The following ZNF326 variants were observed in gnomAD, a reference collection of about 807,000 sequenced individuals.
ZNF326 encodes zinc finger protein 326, also known as DBIRD complex subunit ZNF326.
In ZNF326, 30 loss-of-function variants were observed where a neutral mutation model predicts 63.1. The ratio of observed to expected loss-of-function variants is 0.48; its 90% CI spans 0.36 to 0.64. The LOEUF is 0.64. Among genes scored for constraint, ZNF326 ranks in the 30% least tolerant of loss-of-function variants. ZNF326 has a pLI of 0.00. For synonymous variants in ZNF326, 194 were observed against 228.2 expected (o/e 0.85, Z 1.35); for missense variants, 609 against 720.3 (o/e 0.85, Z 1.77).
chr1:90,008,919 C>T (rs1054744161), intron 5 of ZNF326, among the ~76,000 whole-genome samples: 2 of 152,086 alleles, frequency 1.3e-5, no homozygotes, highest in Non-Finnish European at 2.9e-5. Context: ...CATTCCTGAG[C>T]ATAGTATACA....
intron 1 of ZNF326, among the ~76,000 whole-genome samples, chr1:89,997,254 A>C (rs1334525754): frequency 6.6e-6 from 1 of 152,226 alleles, no homozygotes; most frequent in Non-Finnish European, 1.5e-5. Flanking sequence ...AGAATTTAAC[A>C]GTTGTTAAAT....
chr1:89,997,429 A>C (rs190690037), intron 1 of ZNF326, among the ~76,000 whole-genome samples: 1 of 151,832 alleles, frequency 6.6e-6, no homozygotes, highest in African/African-American at 2.4e-5. Flanking sequence ...GCTGGAGTGC[A>C]GTGGTGCAGT....
At position 89,995,154 on chromosome 1, in the gene ZNF326, C is replaced by T. The variant is rs1648274848; in HGVS notation, c.-104C>T. 4 of 1,399,296 alleles carry T rather than the reference C, an allele frequency of 2.9e-6. No individual in the cohort carries two copies. Among genetic ancestry groups the T allele is most frequent in the South Asian group, 1.3e-5 (1 of 78,572 alleles). 86.7% of individuals were successfully genotyped at this position (1,399,296 alleles called of 1,614,324 possible). ...GCTCCCGGGCTGGTAGCGCGCCGCT[C>T]TCGGTCGCGCGGAGTGATCGTGTGG... On this transcript the variant is annotated 5_prime_UTR_variant, in exon 1 of 12. Coordinates refer to ENST00000340281, the MANE Select transcript of ZNF326 (RefSeq NM_182976.4).
chr1:90,027,265 T>A lies in ZNF326; in HGVS notation c.1402-89T>A, dbSNP rs1237381988. On this transcript the variant is annotated intron_variant, in intron 11 of 11. Transcript: ENST00000340281. ...TGAAAAGTTTCAAAATGGCATTTAT[T>A]TCTCATGATATGGCAAGTAAAAATT... 8.8e-6 allele frequency: 11 copies of A among 1,245,708 alleles called. No homozygotes were observed. The East Asian group carries it at 2.6e-4, about 29-fold the overall frequency. 77.2% of individuals were successfully genotyped at this position (1,245,708 alleles called of 1,614,324 possible).
intron 4 of ZNF326, chr1:90,005,885 C>G: frequency 3.0e-6 from 3 of 985,278 alleles, no homozygotes; most frequent in Non-Finnish European, 3.6e-6. Flanking sequence ...TTTGACTAGT[C>G]GAGATTGTAT....
chr1:90,009,185 G>T (rs1466005832), intron 5 of ZNF326, among the ~76,000 whole-genome samples: 1 of 152,046 alleles, frequency 6.6e-6, no homozygotes, highest in Non-Finnish European at 1.5e-5. Flanking sequence ...TAGTCTGAAT[G>T]GACTTTTCTT....
intron 1 of ZNF326, among the ~76,000 whole-genome samples, chr1:89,995,864 T>G (rs1247962982): frequency 1.3e-5 from 2 of 152,226 alleles, no homozygotes; most frequent in African/African-American, 2.4e-5. Context: ...CTGGGGTGTT[T>G]ATCACCAAAA....
At chr1:90,009,413 G>T (rs1649135326) in intron 5 of ZNF326, among the ~76,000 whole-genome samples, 1 of 152,080 alleles carries the variant, frequency 6.6e-6, no homozygotes, top group African/African-American at 2.4e-5. Context: ...GAGTCGTTTG[G>T]TTGCATGACT....
At chr1:90,023,409 T>C (rs190428612) in intron 11 of ZNF326, among the ~76,000 whole-genome samples, 78 of 152,352 alleles carry the variant, frequency 5.1e-4, no homozygotes, top group African/African-American at 1.5e-3. Flanking sequence ...CTGATACATA[T>C]TTAGTGACCA....
At chr1:90,012,709 C>G (rs1649308553) in intron 6 of ZNF326, among the ~76,000 whole-genome samples, 1 of 152,132 alleles carries the variant, frequency 6.6e-6, no homozygotes, top group Admixed American at 6.5e-5. Flanking sequence ...AACATGAGTT[C>G]TTGCATCCAG....
chr1:90,014,905 A>C (rs888708529), intron 7 of ZNF326, among the ~76,000 whole-genome samples: 1 of 152,172 alleles, frequency 6.6e-6, no homozygotes, highest in African/African-American at 2.4e-5. Flanking sequence ...GCAATTTTTT[A>C]AATTTAATTG....
intron 9 of ZNF326, among the ~76,000 whole-genome samples, chr1:90,019,244 CAG>C (rs1211734858): frequency 6.6e-6 from 1 of 152,044 alleles, no homozygotes; most frequent in Non-Finnish European, 1.5e-5. Context: ...GAAAGAAAAA[CAG>C]ACACTAGTTC....
At chr1:90,022,828 G>T (rs935012178) in intron 11 of ZNF326, among the ~76,000 whole-genome samples, 1 of 152,138 alleles carries the variant, frequency 6.6e-6, no homozygotes, top group Admixed American at 6.5e-5. Flanking sequence ...CAAAAGAGGG[G>T]ACCCACAAGG....
At chr1:90,025,718 A>G (rs1290611221) in intron 11 of ZNF326, among the ~76,000 whole-genome samples, 1 of 152,230 alleles carries the variant, frequency 6.6e-6, no homozygotes, top group Non-Finnish European at 1.5e-5. Flanking sequence ...TAATGTTGTC[A>G]TTATCAAATC....
Position 90,013,138 on chromosome 1 carries a change from C to G in ZNF326, c.827C>G (p.Pro276Arg). The G allele has an allele frequency of 6.2e-7, 1 of 1,609,222 alleles. No individual in the cohort carries two copies. The highest frequency in any genetic ancestry group is 8.5e-7 in the Non-Finnish European group (1 of 1,178,340). Residue 276 changes from proline (P) to arginine (R), a missense_variant, in exon 7 of 12, where the codon CCT becomes CGT. Pro to Arg is a moderately radical substitution (Grantham distance 103, BLOSUM62 -2). This residue lies in a region of ZNF326 where 399 missense variants were observed against 444.3 expected (regional missense o/e 0.90). Coordinates refer to ENST00000340281, the MANE Select transcript of ZNF326 (RefSeq NM_182976.4). The part of the protein sequence containing the change: ...SLSKSPTKTD[P>R]KNEEEEKRRI... ...TGTAATATCCTAGCAAAAACTGATC[C>G]TAAAAATGAAGAGGAAGAAAAGCGG...
rs1384429962 is a variant in ZNF326 at position 90,022,258 on chromosome 1, G to C, written c.1314G>C (p.Lys438Asn). 1 of 1,608,988 alleles carries C rather than the reference G, an allele frequency of 6.2e-7. No homozygotes were observed. The highest frequency in any genetic ancestry group is 1.3e-5 in the African/African-American group (1 of 74,618). Residue 438 changes from lysine (K) to asparagine (N), a missense_variant, in exon 11 of 12, where the codon AAG (lysine) becomes AAC (asparagine). Physicochemically the swap from Lys to Asn is moderately conservative, Grantham distance 94. Coordinates refer to ENST00000340281, the MANE Select transcript of ZNF326 (RefSeq NM_182976.4). ...PDHIKGKQAY[K>N]EQIKRESVLT... ...TGTTCTGTTTTTTATAGGCTTATAAGGAACAAATAAAAAGAGAGAGTGTCT... is the reference window on the plus strand; with the variant it reads ...TGTTCTGTTTTTTATAGGCTTATAACGAACAAATAAAAAGAGAGAGTGTCT...
intron 11 of ZNF326, among the ~76,000 whole-genome samples, chr1:90,023,583 AT>A (rs2101092514): frequency 6.6e-6 from 1 of 152,334 alleles, no homozygotes; most frequent in Non-Finnish European, 1.5e-5. Flanking sequence ...GCAGCCCTCA[AT>A]TGAAATCCAA....
chr1:90,006,041 CAT>C, intron 4 of ZNF326: 1 of 985,398 alleles, frequency 1.0e-6, no homozygotes. Context: ...AGTTAGTAGA[CAT>C]GTGAAACAGT....
At chr1:90,004,901 A>G in intron 2 of ZNF326, 102 bp from the exon 3 acceptor site, 1 of 875,740 alleles carries the variant, frequency 1.1e-6, no homozygotes, top group Non-Finnish European at 1.7e-6. Flanking sequence ...TGTTAATGGT[A>G]AATTATCTCA....
Sources: allele counts gnomAD v4.1 joint callset (sites outside exome capture counted in the v4.1 genomes callset), GRCh38; gene constraint gnomAD v4.1.1; regional missense constraint gnomAD v4.1.1; transcripts MANE v1.5; gene names NCBI Gene and HGNC (gene_info 2026-07-23, HGNC 2026-07-21).